The following STK39 variants were observed in gnomAD, a reference collection of about 807,000 sequenced individuals.
STK39 encodes serine/threonine kinase 39, also known as STE20/SPS1-related proline-alanine-rich protein kinase.
Under a neutral mutation model 77.8 loss-of-function variants are expected in STK39, and 20 were observed. The ratio of observed to expected loss-of-function variants is 0.26; its 90% CI spans 0.18 to 0.37. The LOEUF is 0.37. Ranked by LOEUF, STK39 falls within the 10% of genes least tolerant of loss-of-function variation. The pLI, the probability that STK39 is intolerant of heterozygous loss-of-function variation, is 1.00. For missense variants in STK39, 479 were observed against 656.5 expected (o/e 0.73, Z 2.95); for synonymous variants, 246 against 234.1 (o/e 1.05, Z -0.47).
At chr2:168,160,731 T>C (rs920536659) in intron 5 of STK39, among the ~76,000 whole-genome samples, 3 of 152,180 alleles carry the variant, frequency 2.0e-5, no homozygotes, top group African/African-American at 7.2e-5. Flanking sequence ...TCTGAACAAC[T>C]AGACTGCTTG....
intron 12 of STK39, among the ~76,000 whole-genome samples, chr2:168,073,806 C>T (rs979437828): frequency 3.3e-4 from 50 of 151,956 alleles, no homozygotes; most frequent in Admixed American, 2.0e-3. Flanking sequence ...TTAGTAGAGA[C>T]GGGGTTTCGC....
At chr2:168,000,363 T>C (rs1683968968) in intron 16 of STK39, among the ~76,000 whole-genome samples, 1 of 152,212 alleles carries the variant, frequency 6.6e-6, no homozygotes, top group Admixed American at 6.5e-5. Flanking sequence ...AGCCAACTTT[T>C]CTTTTTCTTT....
At chr2:168,025,920 T>G (rs1258411620) in intron 14 of STK39, among the ~76,000 whole-genome samples, 1 of 152,152 alleles carries the variant, frequency 6.6e-6, no homozygotes, top group Non-Finnish European at 1.5e-5. Context: ...CTGAGCCCAA[T>G]TTGGAGTTAA....
intron 16 of STK39, among the ~76,000 whole-genome samples, chr2:167,999,488 G>C (rs147303917): frequency 0.031 from 4,760 of 152,110 alleles, 239 homozygotes; most frequent in East Asian, 0.21. Flanking sequence ...TTGAGATGGA[G>C]TCTCACTCTG....
chr2:168,121,475 A>G (rs1402637163), intron 10 of STK39, among the ~76,000 whole-genome samples: 1 of 152,156 alleles, frequency 6.6e-6, no homozygotes, highest in East Asian at 1.9e-4. Context: ...CCTGGTTCTC[A>G]CCCACTGCCA....
At chr2:168,144,977 T>C (rs1264428048) in intron 5 of STK39, among the ~76,000 whole-genome samples, 1 of 145,318 alleles carries the variant, frequency 6.9e-6, no homozygotes, top group African/African-American at 2.5e-5. Flanking sequence ...TGAGCCCGTC[T>C]CAGAAAAAAA....
chr2:168,149,551 T>G (rs1229967829), intron 5 of STK39, among the ~76,000 whole-genome samples: 1 of 152,256 alleles, frequency 6.6e-6, no homozygotes, highest in Non-Finnish European at 1.5e-5. Context: ...CTCTGTTATT[T>G]GTACCCAAAG....
intron 16 of STK39, among the ~76,000 whole-genome samples, chr2:167,987,211 T>A (rs184547178): frequency 9.2e-5 from 14 of 152,284 alleles, no homozygotes; most frequent in African/African-American, 3.4e-4. Flanking sequence ...CCACTGTAGT[T>A]TCCCTACAAA....
At chr2:168,199,397 T>C (rs1689554565) in intron 1 of STK39, among the ~76,000 whole-genome samples, 1 of 152,234 alleles carries the variant, frequency 6.6e-6, no homozygotes. Context: ...CTGGACTCCA[T>C]CCTGGAAAAC....
chr2:168,034,493 G>A (rs910890183), intron 14 of STK39, among the ~76,000 whole-genome samples: 2 of 152,190 alleles, frequency 1.3e-5, no homozygotes, highest in East Asian at 3.9e-4. Flanking sequence ...AAAAAGGGAT[G>A]GAAGAAAAGC....
intron 10 of STK39, among the ~76,000 whole-genome samples, chr2:168,077,604 T>C (rs779641401): frequency 3.5e-4 from 53 of 152,262 alleles, no homozygotes; most frequent in Admixed American, 1.4e-3. Flanking sequence ...ATGTAGGGAA[T>C]AGTATTGGTA....
chr2:168,035,763 A>G (rs1684936290), intron 14 of STK39, among the ~76,000 whole-genome samples: 1 of 152,204 alleles, frequency 6.6e-6, no homozygotes, highest in Admixed American at 6.5e-5. Context: ...GGATAAGGTG[A>G]GCAAAAAGGT....
At chr2:168,187,100 C>T (rs982883259) in intron 1 of STK39, among the ~76,000 whole-genome samples, 1 of 152,182 alleles carries the variant, frequency 6.6e-6, no homozygotes, top group Non-Finnish European at 1.5e-5. Flanking sequence ...CGCCTGTAAT[C>T]CCAGCACTTT....
chr2:168,012,747 A>G, intron 15 of STK39, 45 bp from the exon 16 acceptor site: 1 of 1,530,812 alleles, frequency 6.5e-7, no homozygotes, highest in Non-Finnish European at 9.0e-7. Context: ...CATAACATAA[A>G]AATCAACAAC....
In STK39 at chr2:168,082,671, G is replaced by A. The variant is rs79020358; in HGVS notation, c.1090-7440C>T. Among the ~76,000 whole-genome samples the A allele has an allele frequency of 2.0e-5, 3 of 152,276 alleles. No homozygotes were observed. The East Asian group carries it at 5.8e-4, about 29-fold the overall frequency. On this transcript the variant is annotated intron_variant, in intron 10 of 17. Transcript: ENST00000355999. ...GCTCCCAGCCCAGTACACATTCTCA[G>A]CTCACTAGACACTGTTGCCCTGAGT...
intron 1 of STK39, among the ~76,000 whole-genome samples, chr2:168,243,489 C>G (rs1469562050): frequency 6.6e-6 from 1 of 152,102 alleles, no homozygotes; most frequent in Non-Finnish European, 1.5e-5. Context: ...TTAGGTCATT[C>G]TAAATGACCA....
At chr2:168,242,536 A>C (rs1250048675) in intron 1 of STK39, among the ~76,000 whole-genome samples, 1 of 126,370 alleles carries the variant, frequency 7.9e-6, no homozygotes, top group Non-Finnish European at 1.6e-5. Context: ...GCAACAGAGC[A>C]AGACTCTTAC....
At chr2:168,212,142 T>C (rs1345607173) in intron 1 of STK39, among the ~76,000 whole-genome samples, 1 of 152,220 alleles carries the variant, frequency 6.6e-6, no homozygotes, top group Non-Finnish European at 1.5e-5. Context: ...GCTTGAGTCG[T>C]AAATTGAAGA....
At chr2:168,051,787 T>G (rs1453106482) in intron 14 of STK39, among the ~76,000 whole-genome samples, 2 of 152,092 alleles carry the variant, frequency 1.3e-5, no homozygotes, top group Admixed American at 1.3e-4. Context: ...ATATTGGCAT[T>G]TGACTCCTGG....
Sources: gnomAD v4.1 joint callset for allele counts (sites outside exome capture counted in the v4.1 genomes callset) on GRCh38, gnomAD v4.1.1 for gene constraint, MANE v1.5 for transcripts, NCBI Gene and HGNC (gene_info 2026-07-23, HGNC 2026-07-21) for gene names.